TMEM196: variants seen among roughly 807,000 people sequenced by gnomAD.
TMEM196 encodes the protein transmembrane protein 196.
Under a neutral mutation model 20.0 loss-of-function variants are expected in TMEM196, and 17 were observed. That is an observed-to-expected ratio of 0.85 (90% confidence interval 0.58 to 1.27). TMEM196 has a LOEUF of 1.27. TMEM196 is among the 50% of genes most tolerant of loss of function. TMEM196 has a pLI of 0.00. For synonymous variants in TMEM196, 113 were observed against 88.9 expected (o/e 1.27, Z -1.52); for missense variants, 267 against 223.0 (o/e 1.20, Z -1.26).
At chr7:19,767,421 AAG>A (rs1291523203) in intron 1 of TMEM196, among the ~76,000 whole-genome samples, 1 of 152,054 alleles carries the variant, frequency 6.6e-6, no homozygotes, top group Non-Finnish European at 1.5e-5. Context: ...TCATATAAGA[AAG>A]AGATTCTTTA....
chr7:19,728,156 C>A (rs1419382909), intron 2 of TMEM196, among the ~76,000 whole-genome samples: 1 of 152,072 alleles, frequency 6.6e-6, no homozygotes, highest in Non-Finnish European at 1.5e-5. Context: ...AAAGCCTCTT[C>A]CTTCCTTTTT....
Position 19,737,151 on chromosome 7 carries a change from G to A in TMEM196, c.148-7713C>T, listed in dbSNP as rs183312430. ...CAAACAACTGAATTAAAATATGGGT[G>A]AAAGATCTGAACAGACAACTGAACA... On this transcript the variant is annotated intron_variant, in intron 1 of 4. Transcript: ENST00000405844. 1.4e-3 allele frequency among the ~76,000 whole-genome samples: 210 copies of A among 152,060 alleles called. 2 individuals are homozygous for A. Among genetic ancestry groups the A allele is most frequent in the African/African-American group, 4.9e-3 (205 of 41,514 alleles).
intron 1 of TMEM196, among the ~76,000 whole-genome samples, chr7:19,745,865 A>T (rs1308004414): frequency 6.6e-6 from 1 of 151,600 alleles, no homozygotes; most frequent in African/African-American, 2.4e-5. Context: ...TTATTTTAAT[A>T]AAAATTATGG....
Position 19,772,830 on chromosome 7 carries a change from A to T in TMEM196, c.-134T>A. ...TTTCTTTCTTCAAGAGCGAGGCATT[A>T]TCCACAAGGGCTGGATTTCCAGAAA... On this transcript the variant is annotated 5_prime_UTR_variant, in exon 1 of 5. Coordinates refer to ENST00000405844, the MANE Select transcript of TMEM196 (RefSeq NM_001363562.2). 1 of 878,844 alleles carries T rather than the reference A, an allele frequency of 1.1e-6. No individual in the cohort carries two copies. Among genetic ancestry groups the T allele is most frequent in the Admixed American group, 4.0e-5 (1 of 25,148 alleles). 54.4% of individuals were successfully genotyped at this position (878,844 alleles called of 1,614,324 possible). A position where few individuals can be genotyped will look rare whatever the true frequency, so the allele number is the denominator to read the frequency against.
Position 19,772,599 on chromosome 7 carries a change from A to G in TMEM196, c.98T>C (p.Phe33Ser). 6.5e-7 allele frequency: 1 copy of G among 1,547,004 alleles called. No individual in the cohort carries two copies. The highest frequency in any genetic ancestry group is 8.7e-7 in the Non-Finnish European group (1 of 1,145,846). Residue 33 changes from phenylalanine to serine, a missense_variant, in exon 1 of 5, where the codon TTC becomes TCC. Phe to Ser is a radical substitution (Grantham distance 155). Coordinates refer to ENST00000405844, the MANE Select transcript of TMEM196 (RefSeq NM_001363562.2). ...VSSVAVGAVS[F>S]SLALREHKPQ... is the part of the protein sequence containing the mutation. The stretch of plus-strand genomic sequence containing the variant: ...CTTGTGCTCTCGGAGGGCCAGGCTG[A>G]AGCTGACCGCCCCCACGGCCACGCT...
Position 19,767,687 on chromosome 7 carries a change from G to A in TMEM196, c.147+4863C>T, listed in dbSNP as rs918150582. 2.0e-5 allele frequency among the ~76,000 whole-genome samples: 3 copies of A among 151,790 alleles called. No individual in the cohort carries two copies. The East Asian group carries it at 5.8e-4, about 29-fold the overall frequency. On this transcript the variant is annotated intron_variant, in intron 1 of 4. Coordinates refer to ENST00000405844, the MANE Select transcript of TMEM196 (RefSeq NM_001363562.2). ...ATTTTAAAATGGGCCATAAAAATACGTTTGTAATTTTTTGGGGGGATAGGA... is the reference window on the plus strand; with the variant it reads ...ATTTTAAAATGGGCCATAAAAATACATTTGTAATTTTTTGGGGGGATAGGA...
chr7:19,736,962 A>T (rs1784429009), intron 1 of TMEM196, among the ~76,000 whole-genome samples: 1 of 151,936 alleles, frequency 6.6e-6, no homozygotes, highest in Non-Finnish European at 1.5e-5. Flanking sequence ...AGTTAACTAG[A>T]CCTAGAATTT....
At chr7:19,771,076 G>A (rs1374931457) in intron 1 of TMEM196, among the ~76,000 whole-genome samples, 1 of 152,066 alleles carries the variant, frequency 6.6e-6, no homozygotes, top group African/African-American at 2.4e-5. Flanking sequence ...GTTCAATGAA[G>A]TTTTAAAGCG....
chr7:19,735,889 A>T (rs905349239), intron 1 of TMEM196, among the ~76,000 whole-genome samples: 1 of 152,156 alleles, frequency 6.6e-6, no homozygotes, highest in Non-Finnish European at 1.5e-5. Flanking sequence ...TTTTTTACCC[A>T]CAAGATAATG....
intron 1 of TMEM196, among the ~76,000 whole-genome samples, chr7:19,759,038 G>A (rs1263152311): frequency 6.6e-6 from 1 of 151,910 alleles, no homozygotes; most frequent in East Asian, 1.9e-4. Context: ...ATTCACATTG[G>A]CATGTAAACA....
intron 1 of TMEM196, among the ~76,000 whole-genome samples, chr7:19,750,218 T>C (rs986097297): frequency 7.9e-5 from 12 of 152,178 alleles, no homozygotes; most frequent in Admixed American, 2.0e-4. Flanking sequence ...AAAGAGTAGA[T>C]TTTAAATGTT....
rs57276805 is a variant in TMEM196 at position 19,748,263 on chromosome 7, C to CAAAAAAAAAAAA, written c.148-18837_148-18826dup. Among the ~76,000 whole-genome samples, 33 of 20,780 alleles carry CAAAAAAAAAAAA rather than the reference C, an allele frequency of 1.6e-3. 7 individuals are homozygous for CAAAAAAAAAAAA. The highest frequency in any genetic ancestry group is 5.5e-3 in the African/African-American group (32 of 5,844). The allele number at this position is 20,780 out of a possible 152,430, so 13.6% of individuals were successfully genotyped here. A position where few individuals can be genotyped will look rare whatever the true frequency, so the allele number is the denominator to read the frequency against. On this transcript the variant is annotated intron_variant, in intron 1 of 4. Transcript: ENST00000405844. ...TTCAGAGATGTTCACTGTGGCTGTC[C>CAAAAAAAAAAAA]AAAAAAAAAAAAAAAAAAAAAAAAA...
intron 1 of TMEM196, among the ~76,000 whole-genome samples, chr7:19,758,583 CTTTAG>C (rs1477290044): frequency 1.3e-5 from 2 of 152,150 alleles, no homozygotes; most frequent in African/African-American, 4.8e-5. Flanking sequence ...ATTCTCTGGA[CTTTAG>C]TTTACTTATT....
At chr7:19,764,288 C>A (rs1248579590) in intron 1 of TMEM196, among the ~76,000 whole-genome samples, 1 of 152,202 alleles carries the variant, frequency 6.6e-6, no homozygotes, top group Non-Finnish European at 1.5e-5. Context: ...TCATGATTGT[C>A]AAGTTCTGCC....
rs559238416 is a variant in TMEM196, at chr7:19,722,154, AT to A, written c.534-21del. 1,313 of 1,596,610 alleles carry A rather than the reference AT, an allele frequency of 8.2e-4. 2 individuals carry two copies. The highest frequency in any genetic ancestry group is 1.1e-3 in the Non-Finnish European group (1,243 of 1,171,204). On this transcript the variant is annotated intron_variant, in intron 4 of 4. Coordinates refer to ENST00000405844, the MANE Select transcript of TMEM196 (RefSeq NM_001363562.2). The stretch of plus-strand genomic sequence containing the variant: ...TATTTCCTGTTAGAAAAATGACATG[AT>A]TAATTAAAATTCGCTTTTGGAGTAA...
intron 1 of TMEM196, among the ~76,000 whole-genome samples, chr7:19,758,304 A>G (rs1785297987): frequency 6.6e-6 from 1 of 152,218 alleles, no homozygotes; most frequent in Admixed American, 6.5e-5. Flanking sequence ...TGGTGTAGAA[A>G]GCCATTTCTT....
At position 19,721,974 on chromosome 7, in the gene TMEM196, A is replaced by C; in HGVS notation, c.*154T>G. 11 of 952,546 alleles carry C rather than the reference A, an allele frequency of 1.2e-5. No homozygotes were observed. Among genetic ancestry groups the C allele is most frequent in the Non-Finnish European group, 1.6e-5 (10 of 614,196 alleles). The allele number at this position is 952,546 out of a possible 1,614,324, so 59.0% of individuals were successfully genotyped here. ...AGAATAATTTTAGTGGATGCTCAGGAGAGATAAATGCAAATGCAAAAACTG... is the reference window on the plus strand; with the variant it reads ...AGAATAATTTTAGTGGATGCTCAGGCGAGATAAATGCAAATGCAAAAACTG... On this transcript the variant is annotated 3_prime_UTR_variant, in exon 5 of 5. Transcript: ENST00000405844.
At chr7:19,754,609 G>A (rs1376108067) in intron 1 of TMEM196, among the ~76,000 whole-genome samples, 1 of 151,952 alleles carries the variant, frequency 6.6e-6, no homozygotes, top group Admixed American at 6.6e-5. Flanking sequence ...CTTTTCTGTA[G>A]TCATGGGCTA....
At chr7:19,724,865 A>C (rs1446962843) in intron 3 of TMEM196, among the ~76,000 whole-genome samples, 1 of 152,232 alleles carries the variant, frequency 6.6e-6, no homozygotes, top group Non-Finnish European at 1.5e-5. Flanking sequence ...AAAATGTAAT[A>C]GAAACACAGA....
Sources: gnomAD v4.1 joint callset for allele counts (sites outside exome capture counted in the v4.1 genomes callset) on GRCh38, gnomAD v4.1.1 for gene constraint, MANE v1.5 for transcripts, NCBI Gene and HGNC (gene_info 2026-07-23, HGNC 2026-07-21) for gene names.